MRGPRF: variants seen among roughly 807,000 people sequenced by gnomAD.
The protein encoded by MRGPRF is mas-related G protein-coupled receptor member F.
A neutral mutation model predicts 3.3 loss-of-function variants in MRGPRF; 2 were observed. That is an observed-to-expected ratio of 0.61 (90% CI 0.25 to 1.92). The LOEUF is 1.92. Ranked by LOEUF, MRGPRF falls within the 40% of genes most tolerant of loss-of-function variation. MRGPRF has a pLI of 0.16. For synonymous variants in MRGPRF, 242 were observed against 222.7 expected, an observed-to-expected ratio of 1.09 and a Z score of -0.77; for missense variants, 500 against 476.0, an observed-to-expected ratio of 1.05 and a Z score of -0.47.
In MRGPRF at chr11:69,005,824, C is replaced by A; in HGVS notation, c.486G>T (p.Val162=). The part of the protein sequence containing the change: ...WRRRPKRLSA[V]VCALLWVLSL... ...ACAGGACCCACAGCAGGGCGCACAC[C>A]ACGGCCGACAGGCGCTTGGGCCGCC... is the stretch of plus-strand genomic sequence containing the variant. The change falls in exon 3 of 3, where the codon GTG becomes GTT. Residue 162 remains valine (V), a synonymous_variant. Transcript: ENST00000309099. 1 of 1,532,030 alleles carries A rather than the reference C, an allele frequency of 6.5e-7. No homozygotes were observed. The highest frequency in any genetic ancestry group is 8.8e-7 in the Non-Finnish European group (1 of 1,139,428). 94.9% of individuals were successfully genotyped at this position (1,532,030 alleles called of 1,614,324 possible).
At chr11:69,009,206 T>G (rs998682926) in intron 2 of MRGPRF, among the ~76,000 whole-genome samples, 1 of 152,232 alleles carries the variant, frequency 6.6e-6, no homozygotes, top group Admixed American at 6.5e-5. Flanking sequence ...GTCAAGTTAC[T>G]ACCTGGGTGT....
chr11:69,007,338 G>A (rs1234145754), intron 2 of MRGPRF, among the ~76,000 whole-genome samples: 2 of 152,182 alleles, frequency 1.3e-5, no homozygotes, highest in Non-Finnish European at 2.9e-5. Context: ...CTCCCGAGTA[G>A]CTGGGACTAC....
In MRGPRF at chr11:69,005,670, CCAT is replaced by C; in HGVS notation, c.637_639del (p.Met213del). 1 of 1,551,722 alleles carries C rather than the reference CCAT, an allele frequency of 6.4e-7. No homozygotes were observed. Among genetic ancestry groups the C allele is most frequent in the East Asian group, 2.4e-5 (1 of 40,958 alleles). On this transcript the variant is annotated inframe_deletion, in exon 3 of 3. Transcript: ENST00000309099. ...AGGATGAGGGCCAGGCAGGGCAGCA[CCAT>C]GAGCGGGCAGCAGAGCAGGAACAGG...
Position 69,005,674 on chromosome 11 carries a change from G to A in MRGPRF, c.636C>T (p.Leu212=). ...TGAGGGCCAGGCAGGGCAGCACCAT[G>A]AGCGGGCAGCAGAGCAGGAACAGGA... The part of the protein sequence containing the change: ...GILLFLLCCP[L]MVLPCLALIL... Residue 212 remains leucine (L), a synonymous_variant, in exon 3 of 3, where the codon CTC becomes CTT. Coordinates refer to ENST00000309099, the MANE Select transcript of MRGPRF (RefSeq NM_145015.5). 2.6e-6 allele frequency: 4 copies of A among 1,551,636 alleles called. No homozygotes were observed. Among genetic ancestry groups the A allele is most frequent in the Non-Finnish European group, 3.5e-6 (4 of 1,147,366 alleles).
At chr11:69,006,780 T>C (rs1274391115) in intron 2 of MRGPRF, among the ~76,000 whole-genome samples, 1 of 152,072 alleles carries the variant, frequency 6.6e-6, no homozygotes, top group South Asian at 2.1e-4. Flanking sequence ...CGCGGCACCA[T>C]GCCCGGCTAA....
chr11:69,008,001 G>A (rs1860522243), intron 2 of MRGPRF, among the ~76,000 whole-genome samples: 1 of 152,200 alleles, frequency 6.6e-6, no homozygotes, highest in Admixed American at 6.5e-5. Flanking sequence ...CAGGTGCAAG[G>A]AACAGGTGAG....
chr11:69,007,425 C>T (rs1860512338), intron 2 of MRGPRF, among the ~76,000 whole-genome samples: 1 of 152,170 alleles, frequency 6.6e-6, no homozygotes, highest in African/African-American at 2.4e-5. Flanking sequence ...CCGGACTGGT[C>T]TCGATCTCTT....
intron 2 of MRGPRF, 170 bp downstream of exon 2, chr11:69,009,684 G>A (rs1248562950): frequency 9.0e-6 from 7 of 773,576 alleles, no homozygotes; most frequent in South Asian, 8.7e-5. Context: ...AGGGTCCAGG[G>A]AACTTGTGCC....
Position 69,006,171 on chromosome 11 carries a change from T to C in MRGPRF, c.139A>G (p.Met47Val), listed in dbSNP as rs1311785489. 1.9e-6 allele frequency: 3 copies of C among 1,614,032 alleles called. No homozygotes were observed. The highest frequency in any genetic ancestry group is 4.5e-5 in the East Asian group (2 of 44,862). Reference sequence around the variant, plus strand: ...CAGAGGAGCAGGAAGATGTAGTTCATGACGGCCGGAGGCGGCAGCATCGCG... The same window carrying C: ...CAGAGGAGCAGGAAGATGTAGTTCACGACGGCCGGAGGCGGCAGCATCGCG... ...QIAMLPPPAV[M>V]NYIFLLLCLC... The change falls in exon 3 of 3, where the codon ATG (methionine) becomes GTG (valine). Residue 47 changes from methionine (M) to valine (V), a missense_variant. Physicochemically the swap from Met to Val is conservative, Grantham distance 21. Coordinates refer to ENST00000309099, the MANE Select transcript of MRGPRF (RefSeq NM_145015.5).
At position 69,006,008 on chromosome 11, in the gene MRGPRF, A is replaced by G. The variant is rs758313810; in HGVS notation, c.302T>C (p.Ile101Thr). ...GCCCAGGAAGCCCCCCGTGTTCAGG[A>G]TGGAGAACACCGCCTTGCTGAAGAG... ...GYLFSKAVFS[I>T]LNTGGFLGTF... The change falls in exon 3 of 3, where the codon ATC becomes ACC. Residue 101 changes from isoleucine to threonine, a missense_variant. By Grantham distance (89) the Ile-to-Thr change is moderately conservative. Coordinates refer to ENST00000309099, the MANE Select transcript of MRGPRF (RefSeq NM_145015.5). 7 of 1,569,338 alleles carry G rather than the reference A, an allele frequency of 4.5e-6. No homozygotes were observed. The highest frequency in any genetic ancestry group is 3.8e-5 in the Admixed American group (2 of 52,564).
chr11:69,009,499 C>G, intron 2 of MRGPRF: 1 of 582,130 alleles, frequency 1.7e-6, no homozygotes, highest in Non-Finnish European at 3.1e-6. Context: ...AGTCAGCGTC[C>G]CAGGGCTTCC....
At position 69,005,703 on chromosome 11, in the gene MRGPRF, T is replaced by C. The variant is rs1292174327; in HGVS notation, c.607A>G (p.Ile203Val). The change falls in exon 3 of 3, where the codon ATC (isoleucine) becomes GTC (valine). Residue 203 changes from isoleucine (I) to valine (V), a missense_variant. Physicochemically the swap from Ile to Val is conservative, Grantham distance 29. Transcript: ENST00000309099. Reference protein sequence around the residue: ...ACRHMDIFLGILLFLLCCPLM... With the variant: ...ACRHMDIFLGVLLFLLCCPLM... ...GGGCAGCAGAGCAGGAACAGGAGGATGCCCAGGAAGATGTCCATGTGCCTG... is the reference window on the plus strand; with the variant it reads ...GGGCAGCAGAGCAGGAACAGGAGGACGCCCAGGAAGATGTCCATGTGCCTG... The C allele has an allele frequency of 6.4e-7, 1 of 1,550,858 alleles. No individual in the cohort carries two copies. Among genetic ancestry groups the C allele is most frequent in the South Asian group, 1.2e-5 (1 of 84,046 alleles).
Position 69,006,170 on chromosome 11 carries a change from A to G in MRGPRF, c.140T>C (p.Met47Thr). Residue 47 changes from methionine (M) to threonine (T), a missense_variant, in exon 3 of 3, where the codon ATG (methionine) becomes ACG (threonine). Physicochemically the swap from Met to Thr is moderately conservative, Grantham distance 81 (BLOSUM62 -1). Transcript: ENST00000309099. ...GCAGAGGAGCAGGAAGATGTAGTTC[A>G]TGACGGCCGGAGGCGGCAGCATCGC... The part of the protein sequence containing the change: ...QIAMLPPPAV[M>T]NYIFLLLCLC... 1 of 1,613,860 alleles carries G rather than the reference A, an allele frequency of 6.2e-7. No homozygotes were observed. The highest frequency in any genetic ancestry group is 8.5e-7 in the Non-Finnish European group (1 of 1,179,872).
chr11:69,006,989 G>A (rs900518161), intron 2 of MRGPRF, among the ~76,000 whole-genome samples: 1 of 152,144 alleles, frequency 6.6e-6, no homozygotes, highest in Non-Finnish European at 1.5e-5. Flanking sequence ...TGGATTATAC[G>A]CTGGATCTCA....
At chr11:69,009,698 C>A in intron 2 of MRGPRF, 156 bp downstream of exon 2, 1 of 861,612 alleles carries the variant, frequency 1.2e-6, no homozygotes. Flanking sequence ...TTGTGCCCGG[C>A]CACATAGCCC....
At chr11:69,009,273 G>C in intron 2 of MRGPRF, 1 of 281,822 alleles carries the variant, frequency 3.5e-6, no homozygotes, top group Non-Finnish European at 6.6e-6. Flanking sequence ...GAGATCCTTC[G>C]AAGTTGAGAG....
At chr11:69,008,768 C>A (rs1005472682) in intron 2 of MRGPRF, among the ~76,000 whole-genome samples, 1 of 152,346 alleles carries the variant, frequency 6.6e-6, no homozygotes, top group African/African-American at 2.4e-5. Flanking sequence ...GGTGCCCAAA[C>A]AGGCCCAAGA....
rs749568598 is a variant in MRGPRF at position 69,006,132 on chromosome 11, C to A, written c.178G>T (p.Val60Leu). ...IFLLLCLCGLVGNGLVLWFFG... is the reference protein window; with the variant it reads ...IFLLLCLCGLLGNGLVLWFFG... ...AACCAGAGGACCAGCCCGTTGCCCA[C>A]CAGGCCACACAGGCAGAGGAGCAGG... The change falls in exon 3 of 3, where the codon GTG becomes TTG. Residue 60 changes from valine (V) to leucine (L), a missense_variant. Physicochemically the swap from Val to Leu is conservative, Grantham distance 32. Transcript: ENST00000309099. The A allele has an allele frequency of 6.2e-7, 1 of 1,614,074 alleles. No homozygotes were observed. Among genetic ancestry groups the A allele is most frequent in the South Asian group, 1.1e-5 (1 of 91,070 alleles).
chr11:69,006,067 G>C lies in MRGPRF; in HGVS notation c.243C>G (p.Tyr81Ter), dbSNP rs1406201444. ...CATCGGCGCTGGCCAGGTGCAGGAA[G>C]TAGATGGAGAAGGGGTTCCTCTTGA... ...FSIKRNPFSI[Y>*]FLHLASADVG... The change falls in exon 3 of 3, where the codon TAC (tyrosine) becomes TAG (stop). Residue 81 changes from tyrosine (Y) to a stop codon, truncating the protein, a stop_gained. Coordinates refer to ENST00000309099, the MANE Select transcript of MRGPRF (RefSeq NM_145015.5). LOFTEE classifies it low-confidence loss of function (END_TRUNC). 6.2e-7 allele frequency: 1 copy of C among 1,602,796 alleles called. No individual in the cohort carries two copies. Among genetic ancestry groups the C allele is most frequent in the Admixed American group, 1.7e-5 (1 of 58,002 alleles).
Sources: gnomAD v4.1 joint callset for allele counts (sites outside exome capture counted in the v4.1 genomes callset) on GRCh38, gnomAD v4.1.1 for gene constraint, MANE v1.5 for transcripts, NCBI Gene and HGNC (gene_info 2026-07-23, HGNC 2026-07-21) for gene names.